The following SUCLG2 variants were observed in gnomAD, a reference collection of about 807,000 sequenced individuals.
SUCLG2 encodes the protein succinate--CoA ligase [GDP-forming] subunit beta, mitochondrial.
SUCLG2 carries 42 observed loss-of-function variants against 47.9 expected under a neutral mutation model. That is an observed-to-expected ratio of 0.88 (90% confidence interval 0.69 to 1.14). The LOEUF (loss-of-function observed/expected upper bound fraction) is 1.14. SUCLG2 is among the 50% of genes most tolerant of loss of function. The pLI is 0.00. For missense variants in SUCLG2, 571 were observed against 525.9 expected, an observed-to-expected ratio of 1.09 and a Z score of -0.84; for synonymous variants, 195 against 197.3, an observed-to-expected ratio of 0.99 and a Z score of 0.10.
chr3:67,513,768 CAATT>C (rs1313587387), intron 6 of SUCLG2, among the ~76,000 whole-genome samples: 2 of 152,172 alleles, frequency 1.3e-5, no homozygotes, highest in Non-Finnish European at 2.9e-5. Context: ...CTTTTGCCAT[CAATT>C]GTTATTTTGT....
chr3:67,492,786 T>A (rs1370613598), intron 9 of SUCLG2, among the ~76,000 whole-genome samples: 1 of 152,196 alleles, frequency 6.6e-6, no homozygotes, highest in African/African-American at 2.4e-5. Flanking sequence ...AGAAACGTAT[T>A]AGTTGTAGAG....
intron 9 of SUCLG2, among the ~76,000 whole-genome samples, chr3:67,434,053 G>A (rs531130296): frequency 1.3e-5 from 2 of 152,164 alleles, no homozygotes; most frequent in Admixed American, 6.6e-5. Flanking sequence ...GAAGAAGCAG[G>A]TCTCGTAAGT....
intron 9 of SUCLG2, among the ~76,000 whole-genome samples, chr3:67,411,858 A>G (rs1702939523): frequency 1.3e-5 from 2 of 152,186 alleles, no homozygotes; most frequent in South Asian, 4.1e-4. Flanking sequence ...TTAAGAGGAA[A>G]ACCAAATAAA....
At chr3:67,451,293 C>G (rs531441235) in intron 9 of SUCLG2, among the ~76,000 whole-genome samples, 1 of 152,294 alleles carries the variant, frequency 6.6e-6, no homozygotes, top group South Asian at 2.1e-4. Context: ...ATGAGACATG[C>G]TCAAGTATTT....
intron 9 of SUCLG2, among the ~76,000 whole-genome samples, chr3:67,421,262 C>T (rs1703151174): frequency 6.6e-6 from 1 of 152,146 alleles, no homozygotes; most frequent in Admixed American, 6.6e-5. Context: ...CATTTAAAGA[C>T]CCACTGTCCT....
At chr3:67,612,826 T>C (rs537601260) in intron 1 of SUCLG2, among the ~76,000 whole-genome samples, 2 of 152,200 alleles carry the variant, frequency 1.3e-5, no homozygotes, top group Non-Finnish European at 1.5e-5. Flanking sequence ...TACCTGTGCT[T>C]CTGACCAACC....
intron 1 of SUCLG2, among the ~76,000 whole-genome samples, chr3:67,623,127 C>A (rs1263010884): frequency 6.6e-6 from 1 of 152,016 alleles, no homozygotes; most frequent in Non-Finnish European, 1.5e-5. Flanking sequence ...GTCATTCCCC[C>A]CACCCACTCA....
intron 9 of SUCLG2, among the ~76,000 whole-genome samples, chr3:67,433,588 T>C (rs780085561): frequency 2.0e-5 from 3 of 152,172 alleles, no homozygotes; most frequent in East Asian, 1.9e-4. Flanking sequence ...TATTTCTTCC[T>C]GCAGAGAACT....
downstream of SUCLG2, among the ~76,000 whole-genome samples, chr3:67,374,260 AAACAT>A (rs1701992029): frequency 6.6e-6 from 1 of 152,244 alleles, no homozygotes; most frequent in Non-Finnish European, 1.5e-5. Flanking sequence ...TCTCCATGGC[AAACAT>A]GGCTCTAAAC....
intron 9 of SUCLG2, among the ~76,000 whole-genome samples, chr3:67,448,819 T>C (rs926722438): frequency 4.6e-5 from 7 of 152,108 alleles, no homozygotes; most frequent in African/African-American, 1.7e-4. Flanking sequence ...GAATCAAGTG[T>C]AAAAAAGGTT....
At position 67,400,716 on chromosome 3, in the gene SUCLG2, T is replaced by C; in HGVS notation, c.1183+15A>G. 1 of 1,609,226 alleles carries C rather than the reference T, an allele frequency of 6.2e-7. No individual in the cohort carries two copies. Among genetic ancestry groups the C allele is most frequent in the Non-Finnish European group, 8.5e-7 (1 of 1,179,328 alleles). On this transcript the variant is annotated intron_variant, in intron 10 of 10. Transcript: ENST00000307227. ...AGAAGGGGTGCTGGCACAGCGGAAA[T>C]CTACCATGACTCACCTTCAAGCCGG...
chr3:67,435,468 C>G (rs1355188693), intron 9 of SUCLG2, among the ~76,000 whole-genome samples: 1 of 152,038 alleles, frequency 6.6e-6, no homozygotes, highest in Non-Finnish European at 1.5e-5. Context: ...AAGATGCCAC[C>G]TTTATTTATA....
At chr3:67,574,080 C>T (rs1236664756) in intron 2 of SUCLG2, among the ~76,000 whole-genome samples, 3 of 152,126 alleles carry the variant, frequency 2.0e-5, no homozygotes, top group Non-Finnish European at 4.4e-5. Context: ...GGCCCCCTTC[C>T]ACCATTTTCA....
At chr3:67,469,339 T>A (rs1464169562) in intron 9 of SUCLG2, among the ~76,000 whole-genome samples, 3 of 152,180 alleles carry the variant, frequency 2.0e-5, no homozygotes, top group Non-Finnish European at 4.4e-5. Context: ...TGGACATAAG[T>A]TCTTAAAGAT....
chr3:67,650,454 G>A (rs1443354331), intron 1 of SUCLG2, among the ~76,000 whole-genome samples: 3 of 152,116 alleles, frequency 2.0e-5, no homozygotes, highest in African/African-American at 7.2e-5. Context: ...CATACAACAA[G>A]GATTCTAAAA....
At chr3:67,410,521 C>T (rs1219199183) in intron 9 of SUCLG2, among the ~76,000 whole-genome samples, 2 of 152,056 alleles carry the variant, frequency 1.3e-5, no homozygotes, top group Admixed American at 1.3e-4. Flanking sequence ...CCATAGTTCC[C>T]GTATCCTTTT....
At chr3:67,537,384 GA>G (rs1276031400) in intron 2 of SUCLG2, among the ~76,000 whole-genome samples, 6 of 152,094 alleles carry the variant, frequency 3.9e-5, no homozygotes, top group Admixed American at 2.0e-4. Flanking sequence ...CCATGTCCCT[GA>G]AAAGGACATG....
chr3:67,366,271 C>CT (rs1701873884), intron 10 of SUCLG2, among the ~76,000 whole-genome samples: 2 of 152,102 alleles, frequency 1.3e-5, no homozygotes, highest in African/African-American at 4.8e-5. Context: ...ACCATCCTGG[C>CT]TAACACAGTG....
chr3:67,423,445 T>C (rs1703221461), intron 9 of SUCLG2, among the ~76,000 whole-genome samples: 1 of 152,198 alleles, frequency 6.6e-6, no homozygotes, highest in African/African-American at 2.4e-5. Context: ...ATAAAATGCA[T>C]GTTTGTAATG....
Sources: gnomAD v4.1 joint callset for allele counts (sites outside exome capture counted in the v4.1 genomes callset) on GRCh38, gnomAD v4.1.1 for gene constraint, MANE v1.5 for transcripts, NCBI Gene and HGNC (gene_info 2026-07-23, HGNC 2026-07-21) for gene names.